Variants in CNTN6 observed in about 807,000 individuals in gnomAD.
CNTN6 encodes contactin-6.
Under a neutral mutation model 122.8 loss-of-function variants are expected in CNTN6, and 137 were observed. The observed-to-expected ratio is 1.12, with a 90% confidence interval of 0.97 to 1.29. CNTN6 has a LOEUF of 1.29. Among genes scored for constraint, CNTN6 ranks in the 50% most tolerant of loss-of-function variants. The pLI is 0.00. For synonymous variants in CNTN6, 570 were observed against 426.0 expected (o/e 1.34, Z -4.16); for missense variants, 1,634 against 1,223.4 (o/e 1.34, Z -5.01).
At position 1,204,600 on chromosome 3, in the gene CNTN6, T is replaced by G. The variant is rs778676191; in HGVS notation, c.56-16087T>G. On this transcript the variant is annotated intron_variant, in intron 2 of 22. Transcript: ENST00000446702. ...TGTCTGACTTCTTTATAGAGCAACC[T>G]GTACACCATTCCATAGTTTTATTTC... Among the ~76,000 whole-genome samples, 3 of 152,218 alleles carry G rather than the reference T, an allele frequency of 2.0e-5. No homozygotes were observed. In the East Asian group the frequency reaches 5.8e-4, roughly 29 times the overall value.
chr3:1,319,458 T>TA (rs1700545092), intron 7 of CNTN6, among the ~76,000 whole-genome samples: 1 of 151,700 alleles, frequency 6.6e-6, no homozygotes, highest in South Asian at 2.1e-4. Context: ...ATAAGGTAGC[T>TA]ATTTGTTGTA....
chr3:1,184,407 G>A (rs575226792), intron 2 of CNTN6, among the ~76,000 whole-genome samples: 2 of 152,172 alleles, frequency 1.3e-5, no homozygotes, highest in African/African-American at 2.4e-5. Flanking sequence ...TGATAGGATG[G>A]GCAGTTTCAT....
chr3:1,311,025 A>T, intron 7 of CNTN6, among the ~76,000 whole-genome samples: 1 of 152,024 alleles, frequency 6.6e-6, no homozygotes, highest in East Asian at 1.9e-4. Flanking sequence ...ATTTGAAATG[A>T]GAGCTGAGGG....
chr3:1,197,444 C>A (rs1463472461), intron 2 of CNTN6, among the ~76,000 whole-genome samples: 1 of 152,120 alleles, frequency 6.6e-6, no homozygotes, highest in Admixed American at 6.6e-5. Flanking sequence ...TTGTTAAAGC[C>A]AAATTGTTGT....
chr3:1,400,689 A>G (rs1021857911), intron 20 of CNTN6, among the ~76,000 whole-genome samples: 6 of 152,126 alleles, frequency 3.9e-5, no homozygotes, highest in African/African-American at 1.4e-4. Context: ...GTCAATCATC[A>G]GCTTTCTCAG....
intron 2 of CNTN6, among the ~76,000 whole-genome samples, chr3:1,213,574 C>A (rs1167504323): frequency 6.6e-6 from 1 of 151,692 alleles, no homozygotes; most frequent in Non-Finnish European, 1.5e-5. Context: ...ATAAAACTTT[C>A]TCTAAAAATA....
rs1036005128 is a variant in CNTN6 at position 1,120,413 on chromosome 3, A to G, written c.-83+27293A>G. ...GTCATTATTCTGGGTATGAAGTGCT[A>G]TATCTCATTGTAGCTTTAATTTGCA... On this transcript the variant is annotated intron_variant, in intron 1 of 22. Transcript: ENST00000446702. 3.9e-5 allele frequency among the ~76,000 whole-genome samples: 6 copies of G among 151,910 alleles called. No homozygotes were observed. The South Asian group carries it at 1.0e-3, about 26-fold the overall frequency.
In CNTN6 at chr3:1,094,334, T is replaced by C. The variant is rs368241366; in HGVS notation, c.-83+1214T>C. Among the ~76,000 whole-genome samples, 26 of 152,290 alleles carry C rather than the reference T, an allele frequency of 1.7e-4. No individual in the cohort carries two copies. In the East Asian group the frequency reaches 2.3e-3, roughly 14 times the overall value. On this transcript the variant is annotated intron_variant, in intron 1 of 22. Coordinates refer to ENST00000446702, the MANE Select transcript of CNTN6 (RefSeq NM_001289080.2). ...CAAAACAAACATAAACATACAAAAATACTTACACAATTTGTGTAAAAAAAA... is the reference window on the plus strand; with the variant it reads ...CAAAACAAACATAAACATACAAAAACACTTACACAATTTGTGTAAAAAAAA...
At chr3:1,122,140 C>G (rs1041228146) in intron 1 of CNTN6, among the ~76,000 whole-genome samples, 2 of 151,864 alleles carry the variant, frequency 1.3e-5, no homozygotes, top group African/African-American at 4.8e-5. Context: ...TAAATGTCTT[C>G]TTAAAGTTCT....
chr3:1,190,357 C>T (rs976138531), intron 2 of CNTN6, among the ~76,000 whole-genome samples: 2 of 152,172 alleles, frequency 1.3e-5, no homozygotes, highest in African/African-American at 2.4e-5. Context: ...CATAACCATT[C>T]GGTCTATAAC....
chr3:1,267,852 G>C (rs965550918), intron 4 of CNTN6, among the ~76,000 whole-genome samples: 11 of 151,894 alleles, frequency 7.2e-5, no homozygotes, highest in African/African-American at 2.7e-4. Flanking sequence ...TTGCCATTCA[G>C]GGCTTCCTCA....
chr3:1,371,259 G>A (rs1487314157), intron 12 of CNTN6, among the ~76,000 whole-genome samples: 1 of 151,992 alleles, frequency 6.6e-6, no homozygotes, highest in African/African-American at 2.4e-5. Context: ...ATTTCTTAGA[G>A]AGCTAAACTT....
Position 1,155,480 on chromosome 3 carries a change from A to AT in CNTN6, c.55+7427dup, listed in dbSNP as rs59513993. Among the ~76,000 whole-genome samples the AT allele has an allele frequency of 8.4e-3, 1,271 of 150,734 alleles. 12 individuals are homozygous for AT. Among genetic ancestry groups the AT allele is most frequent in the Non-Finnish European group, 0.012 (840 of 67,488 alleles). ...TCACAATATATCTTTTGGGCTTAGG[A>AT]TTTTTTTTTTAATTTTTAAAAACTA... On this transcript the variant is annotated intron_variant, in intron 2 of 22. Transcript: ENST00000446702.
chr3:1,277,992 C>T (rs931497982), intron 4 of CNTN6, among the ~76,000 whole-genome samples: 3 of 152,188 alleles, frequency 2.0e-5, no homozygotes, highest in South Asian at 2.1e-4. Flanking sequence ...ACCATTACAT[C>T]CTAAATTCTC....
At chr3:1,334,284 A>G (rs1702732759) in intron 11 of CNTN6, among the ~76,000 whole-genome samples, 1 of 152,122 alleles carries the variant, frequency 6.6e-6, no homozygotes, top group Non-Finnish European at 1.5e-5. Context: ...GAGAACCAGG[A>G]AGCACTGGGA....
chr3:1,236,668 T>C (rs374474387), intron 4 of CNTN6, among the ~76,000 whole-genome samples: 2 of 152,102 alleles, frequency 1.3e-5, no homozygotes, highest in African/African-American at 4.8e-5. Flanking sequence ...TATGACAAAA[T>C]AAGGTTCTTC....
At chr3:1,235,852 GTGC>G (rs1210513413) in intron 4 of CNTN6, among the ~76,000 whole-genome samples, 5 of 151,976 alleles carry the variant, frequency 3.3e-5, no homozygotes, top group Non-Finnish European at 7.4e-5. Context: ...AATAGACTCA[GTGC>G]TGCTGGGGGC....
intron 1 of CNTN6, among the ~76,000 whole-genome samples, chr3:1,129,703 T>A (rs997183244): frequency 1.6e-4 from 25 of 152,130 alleles, no homozygotes; most frequent in African/African-American, 5.8e-4. Flanking sequence ...AATGTTGGTA[T>A]ATCCAACACT....
chr3:1,219,203 CT>C (rs2094171243), intron 2 of CNTN6, among the ~76,000 whole-genome samples: 1 of 152,208 alleles, frequency 6.6e-6, no homozygotes, highest in South Asian at 2.1e-4. Flanking sequence ...AAGATACTTA[CT>C]TTTATACTGG....
Sources: allele counts gnomAD v4.1 joint callset (sites outside exome capture counted in the v4.1 genomes callset), GRCh38; gene constraint gnomAD v4.1.1; transcripts MANE v1.5; gene names NCBI Gene and HGNC (gene_info 2026-07-23, HGNC 2026-07-21).